Variants in ASPH observed in about 807,000 individuals in gnomAD.
The protein encoded by ASPH is aspartate beta-hydroxylase.
In ASPH, 100 loss-of-function variants were observed where a neutral mutation model predicts 118.4. That is an observed-to-expected ratio of 0.84 (90% CI 0.72 to 1.00). The LOEUF (loss-of-function observed/expected upper bound fraction) is 1.00, where lower values mean the gene tolerates loss of function less well. Ranked by LOEUF, ASPH falls within the 50% of genes least tolerant of loss-of-function variation. The probability of loss-of-function intolerance (pLI) is 0.00; values close to 1 mark genes in which losing one functional copy is unlikely to be tolerated. For missense variants in ASPH, 920 were observed against 919.5 expected, an observed-to-expected ratio of 1.00 and a Z score of -0.01; for synonymous variants, 315 against 325.6, an observed-to-expected ratio of 0.97 and a Z score of 0.35.
At chr8:61,514,410 AT>A (rs1165086584) in intron 24 of ASPH, among the ~76,000 whole-genome samples, 2 of 151,684 alleles carry the variant, frequency 1.3e-5, no homozygotes, top group East Asian at 3.9e-4. Context: ...CTCCTGGGCA[AT>A]TTTTTAAAAG....
At chr8:61,704,412 T>C (rs976499709) in intron 1 of ASPH, among the ~76,000 whole-genome samples, 7 of 151,236 alleles carry the variant, frequency 4.6e-5, no homozygotes, top group Non-Finnish European at 8.8e-5. Flanking sequence ...TAGACAAACA[T>C]AAAAACTGAA....
chr8:61,602,370 C>T (rs1245104619), intron 14 of ASPH, among the ~76,000 whole-genome samples: 2 of 151,134 alleles, frequency 1.3e-5, no homozygotes, highest in Non-Finnish European at 2.9e-5. Flanking sequence ...TTTCATTAGA[C>T]AATAGAACAG....
intron 14 of ASPH, among the ~76,000 whole-genome samples, chr8:61,587,923 C>T (rs775182482): frequency 2.6e-5 from 4 of 152,030 alleles, no homozygotes; most frequent in African/African-American, 7.2e-5. Context: ...GGGACCCTGG[C>T]GAACTCTCTC....
chr8:61,565,485 A>G (rs1435277962), intron 17 of ASPH, among the ~76,000 whole-genome samples: 1 of 152,238 alleles, frequency 6.6e-6, no homozygotes, highest in East Asian at 1.9e-4. Context: ...ATGGGAAGAA[A>G]GAGGGAGAAG....
intron 21 of ASPH, among the ~76,000 whole-genome samples, chr8:61,546,665 A>C (rs527243885): frequency 6.6e-6 from 1 of 152,362 alleles, no homozygotes; most frequent in South Asian, 2.1e-4. Context: ...TGAAGATTAT[A>C]AAGTATGCTT....
chr8:61,620,483 CTT>C (rs765635863), intron 13 of ASPH, among the ~76,000 whole-genome samples: 3 of 142,062 alleles, frequency 2.1e-5, no homozygotes, highest in Non-Finnish European at 1.5e-5. Context: ...TAATGCAGGA[CTT>C]TTTTTTTTTT....
chr8:61,508,418 G>GGAATAA (rs1807471499), intron 24 of ASPH, among the ~76,000 whole-genome samples: 1 of 152,094 alleles, frequency 6.6e-6, no homozygotes, highest in Non-Finnish European at 1.5e-5. Context: ...TCCATAATCT[G>GGAATAA]TCAACTTCTC....
chr8:61,645,965 G>A (rs1364957362), intron 6 of ASPH, among the ~76,000 whole-genome samples: 6 of 152,182 alleles, frequency 3.9e-5, no homozygotes, highest in Admixed American at 6.5e-5. Context: ...CAGGAGAATT[G>A]CTTGAGGCCA....
intron 3 of ASPH, chr8:61,662,699 TG>T: frequency 3.3e-6 from 1 of 307,522 alleles, no homozygotes; most frequent in Non-Finnish European, 4.8e-6. Flanking sequence ...AGAAGAGAGA[TG>T]GGAAAAAATA....
chr8:61,547,234 C>A (rs1824233053), intron 21 of ASPH, among the ~76,000 whole-genome samples: 1 of 152,190 alleles, frequency 6.6e-6, no homozygotes, highest in African/African-American at 2.4e-5. Context: ...TCAGGTTTAA[C>A]CTACTAATAT....
At chr8:61,583,809 T>A in intron 15 of ASPH, 135 bp downstream of exon 15, 1 of 615,660 alleles carries the variant, frequency 1.6e-6, no homozygotes, top group East Asian at 3.2e-5. Context: ...GGAATGTTCA[T>A]GTGCCTGGGG....
At chr8:61,612,727 C>T (rs1847840849) in intron 14 of ASPH, among the ~76,000 whole-genome samples, 1 of 152,112 alleles carries the variant, frequency 6.6e-6, no homozygotes, top group Non-Finnish European at 1.5e-5. Context: ...ATCCAATATA[C>T]ATTTAATTAT....
chr8:61,646,869 T>A lies in ASPH; in HGVS notation c.500A>T (p.Glu167Val), dbSNP rs1399578745. The A allele has an allele frequency of 6.8e-6, 11 of 1,613,884 alleles. No individual in the cohort carries two copies. Among genetic ancestry groups the A allele is most frequent in the Non-Finnish European group, 9.3e-6 (11 of 1,179,850 alleles). ...GGGTCCATCTTCTTGTTGCAAGTCT[T>A]CTCCCTCAACTATGACAATGAACAA... ...EMVHAEHVEG[E>V]DLQQEDGPTG... Residue 167 changes from glutamate (E) to valine (V), a missense_variant, in exon 6 of 25, where the codon GAA (glutamate) becomes GTA (valine). Glu to Val is a moderately radical substitution (Grantham distance 121, BLOSUM62 -2). Coordinates refer to ENST00000379454, the MANE Select transcript of ASPH (RefSeq NM_004318.4).
intron 17 of ASPH, among the ~76,000 whole-genome samples, chr8:61,564,991 T>C (rs890523061): frequency 2.0e-5 from 3 of 152,170 alleles, no homozygotes; most frequent in Non-Finnish European, 4.4e-5. Context: ...TGATCTGTTA[T>C]GGGAAGAGAA....
intron 3 of ASPH, chr8:61,660,360 A>C (rs559803239): frequency 6.6e-6 from 1 of 152,168 alleles, no homozygotes; most frequent in Admixed American, 6.6e-5. Flanking sequence ...TCAGTGCATC[A>C]ATTCCTCCTC....
chr8:61,711,009 G>C (rs966777154), intron 1 of ASPH, among the ~76,000 whole-genome samples: 2 of 152,140 alleles, frequency 1.3e-5, no homozygotes, highest in African/African-American at 2.4e-5. Context: ...GACACCTTGA[G>C]AGAGTTAAAA....
At chr8:61,513,710 C>T (rs1563650090) in intron 24 of ASPH, among the ~76,000 whole-genome samples, 1 of 152,158 alleles carries the variant, frequency 6.6e-6, no homozygotes, top group Non-Finnish European at 1.5e-5. Flanking sequence ...CATCCTGTCA[C>T]ACAAAGTAGG....
intron 3 of ASPH, chr8:61,675,983 C>G (rs1319480823): frequency 1.3e-6 from 2 of 1,547,816 alleles, no homozygotes; most frequent in African/African-American, 2.7e-5. Context: ...CACCCCACTG[C>G]ACATTAAGCC....
Position 61,714,417 on chromosome 8 carries a change from T to G in ASPH, c.-46A>C. ...GTGAGGGCTGGCGGACCTCCTTCAG[T>G]GCGCGGGGGTACACACGCGACGCGG... On this transcript the variant is annotated 5_prime_UTR_variant, in exon 1 of 25. Coordinates refer to ENST00000379454, the MANE Select transcript of ASPH (RefSeq NM_004318.4). The G allele has an allele frequency of 7.1e-7, 1 of 1,408,990 alleles. No individual in the cohort carries two copies. The allele number at this position is 1,408,990 out of a possible 1,614,324, so 87.3% of individuals were successfully genotyped here.
Sources: allele counts gnomAD v4.1 joint callset (sites outside exome capture counted in the v4.1 genomes callset), GRCh38; gene constraint gnomAD v4.1.1; transcripts MANE v1.5; gene names NCBI Gene and HGNC (gene_info 2026-07-23, HGNC 2026-07-21).